CLEC6A: variants seen among roughly 807,000 people sequenced by gnomAD.
CLEC6A encodes the protein C-type lectin domain family 6 member A.
Under a neutral mutation model 25.7 loss-of-function variants are expected in CLEC6A, and 22 were observed. The observed-to-expected ratio is 0.85, with a 90% CI of 0.61 to 1.22. CLEC6A has a LOEUF of 1.22. Among genes scored for constraint, CLEC6A ranks in the 50% most tolerant of loss-of-function variants. The pLI is 0.00. For missense variants in CLEC6A, 240 were observed against 236.8 expected (o/e 1.01, Z -0.09); for synonymous variants, 92 against 76.7 (o/e 1.20, Z -1.04).
intron 4 of CLEC6A, 120 bp from the exon 5 acceptor site, chr12:8,476,004 TG>T: frequency 1.7e-6 from 1 of 582,608 alleles, no homozygotes; most frequent in Non-Finnish European, 3.0e-6. Flanking sequence ...GGCCATCATG[TG>T]ACTGCTCCTT....
In CLEC6A at chr12:8,477,461, A is replaced by G. The variant is rs779580365; in HGVS notation, c.627A>G (p.Leu209=). The G allele has an allele frequency of 6.2e-7, 1 of 1,600,718 alleles. No homozygotes were observed. Among genetic ancestry groups the G allele is most frequent in the Non-Finnish European group, 8.5e-7 (1 of 1,174,662 alleles). The change falls in exon 6 of 6, where the codon CTA becomes CTG. Residue 209 remains leucine (L), a synonymous_variant. Transcript: ENST00000382073. ...NSICEMNKIY[L] Reference sequence around the variant, plus strand: ...TATGTGAGATGAATAAGATTTACCTATGAGTAGAAGCTTAATTGGAAAGAA... The same window carrying G: ...TATGTGAGATGAATAAGATTTACCTGTGAGTAGAAGCTTAATTGGAAAGAA...
At chr12:8,457,656 G>A (rs1183176884) in intron 1 of CLEC6A, among the ~76,000 whole-genome samples, 1 of 152,202 alleles carries the variant, frequency 6.6e-6, no homozygotes, top group East Asian at 1.9e-4. Context: ...TAATAGTTTA[G>A]AAGAAAGAAT....
chr12:8,476,090 C>T (rs756742845), intron 4 of CLEC6A, 35 bp from the exon 5 acceptor site: 53 of 1,383,584 alleles, frequency 3.8e-5, no homozygotes, highest in Non-Finnish European at 4.8e-5. Context: ...CTGGAAATAC[C>T]AAAGTCTTTG....
At chr12:8,463,717 G>T (rs1939793096) in intron 3 of CLEC6A, among the ~76,000 whole-genome samples, 1 of 152,146 alleles carries the variant, frequency 6.6e-6, no homozygotes, top group Admixed American at 6.5e-5. Context: ...TTTCTCAAAG[G>T]TATACCAAAA....
At chr12:8,464,568 G>A (rs1324164071) in intron 3 of CLEC6A, among the ~76,000 whole-genome samples, 2 of 152,072 alleles carry the variant, frequency 1.3e-5, no homozygotes, top group Non-Finnish European at 2.9e-5. Flanking sequence ...TCCTGACCTC[G>A]TGATCCGCCC....
At chr12:8,460,552 A>G in intron 3 of CLEC6A, 1 of 797,954 alleles carries the variant, frequency 1.3e-6, no homozygotes, top group East Asian at 2.5e-5. Context: ...ACCAAACCAT[A>G]TCAGTCAGCT....
intron 3 of CLEC6A, among the ~76,000 whole-genome samples, chr12:8,464,515 T>C (rs1939804945): frequency 1.3e-5 from 2 of 152,152 alleles, no homozygotes; most frequent in Non-Finnish European, 2.9e-5. Context: ...GTATTTTTAG[T>C]AGAGATCGGG....
chr12:8,457,346 C>T (rs1359755692), intron 1 of CLEC6A, among the ~76,000 whole-genome samples: 2 of 152,166 alleles, frequency 1.3e-5, no homozygotes, highest in East Asian at 1.9e-4. Context: ...GTGCCTGGCT[C>T]ATTTCACTTA....
chr12:8,457,311 C>T (rs1305954884), intron 1 of CLEC6A, among the ~76,000 whole-genome samples: 1 of 152,170 alleles, frequency 6.6e-6, no homozygotes, highest in Non-Finnish European at 1.5e-5. Context: ...ACATATGAGT[C>T]AGAATATGCA....
chr12:8,457,123 A>G (rs1270974452), intron 1 of CLEC6A, among the ~76,000 whole-genome samples: 4 of 151,932 alleles, frequency 2.6e-5, no homozygotes, highest in Non-Finnish European at 5.9e-5. Context: ...AAAAAAAAAA[A>G]GTTAACTACA....
intron 4 of CLEC6A, among the ~76,000 whole-genome samples, chr12:8,473,013 T>TTTTTTTTTTTTTTTTTAA (rs2136365757): frequency 2.0e-4 from 1 of 5,060 alleles, no homozygotes; most frequent in African/African-American, 3.8e-4. Context: ...TTTTTTTTTT[T>TTTTTTTTTTTTTTTTTAA]GAGACGGAGT....
intron 3 of CLEC6A, among the ~76,000 whole-genome samples, chr12:8,464,333 CT>C (rs763341698): frequency 2.6e-4 from 15 of 57,110 alleles, no homozygotes; most frequent in Admixed American, 6.8e-4. Context: ...CTTTCTTTTT[CT>C]TTTTTTTTTT....
chr12:8,476,346 T>A, intron 5 of CLEC6A, 106 bp downstream of exon 5: 1 of 714,634 alleles, frequency 1.4e-6, no homozygotes, highest in East Asian at 2.6e-5. Flanking sequence ...GATCTAACAA[T>A]TATTAAGCAT....
At chr12:8,469,421 C>G (rs1939876198) in intron 4 of CLEC6A, among the ~76,000 whole-genome samples, 1 of 150,982 alleles carries the variant, frequency 6.6e-6, no homozygotes, top group African/African-American at 2.4e-5. Context: ...CCTCTCAGAA[C>G]TAGAAAAAAA....
Position 8,462,152 on chromosome 12 carries a change from T to C in CLEC6A, c.223+2454T>C, listed in dbSNP as rs868191926. Among the ~76,000 whole-genome samples, 22 of 152,134 alleles carry C rather than the reference T, an allele frequency of 1.4e-4. No individual in the cohort carries two copies. The South Asian group carries it at 1.5e-3, about 10-fold the overall frequency. On this transcript the variant is annotated intron_variant, in intron 3 of 5. Transcript: ENST00000382073. ...TGCAGGATGTGCTTTGTTAAACAGA[T>C]GCTTGAAGGCAGCATGCTCCTTAAG...
At chr12:8,468,718 C>T (rs1456061342) in intron 4 of CLEC6A, among the ~76,000 whole-genome samples, 1 of 152,062 alleles carries the variant, frequency 6.6e-6, no homozygotes, top group Non-Finnish European at 1.5e-5. Flanking sequence ...CCAGAAAAAC[C>T]ATTTGACAAA....
At chr12:8,461,789 G>C (rs918374101) in intron 3 of CLEC6A, among the ~76,000 whole-genome samples, 3 of 152,206 alleles carry the variant, frequency 2.0e-5, no homozygotes, top group African/African-American at 4.8e-5. Flanking sequence ...TTTAGTCAGA[G>C]TGTGGAGACT....
chr12:8,470,577 A>G (rs1939892427), intron 4 of CLEC6A, among the ~76,000 whole-genome samples: 1 of 152,162 alleles, frequency 6.6e-6, no homozygotes, highest in African/African-American at 2.4e-5. Flanking sequence ...ATAAAAAGAA[A>G]TGAAATAATG....
intron 3 of CLEC6A, among the ~76,000 whole-genome samples, chr12:8,461,665 T>C (rs1168538221): frequency 6.6e-6 from 1 of 152,198 alleles, no homozygotes; most frequent in Non-Finnish European, 1.5e-5. Flanking sequence ...TTTCAAATGA[T>C]CATTACAATG....
Sources: gnomAD v4.1 joint callset for allele counts (sites outside exome capture counted in the v4.1 genomes callset) on GRCh38, gnomAD v4.1.1 for gene constraint, MANE v1.5 for transcripts, NCBI Gene and HGNC (gene_info 2026-07-23, HGNC 2026-07-21) for gene names.